The following CA10 variants were observed in gnomAD, a reference collection of about 807,000 sequenced individuals.
CA10 encodes the protein carbonic anhydrase-related protein 10.
In CA10, 14 loss-of-function variants were observed where a neutral mutation model predicts 44.2. That is an observed-to-expected ratio of 0.32 (90% CI 0.21 to 0.50). The LOEUF is 0.50. Ranked by LOEUF, CA10 falls within the 20% of genes least tolerant of loss-of-function variation. The pLI is 0.99. For missense variants in CA10, 350 were observed against 409.7 expected (o/e 0.85, Z 1.26); for synonymous variants, 159 against 141.6 (o/e 1.12, Z -0.87).
chr17:51,708,902 A>T (rs925221982), intron 4 of CA10, among the ~76,000 whole-genome samples: 3 of 152,352 alleles, frequency 2.0e-5, no homozygotes, highest in African/African-American at 7.2e-5. Context: ...CCACAGACTG[A>T]AAGCTGCACT....
chr17:51,799,016 G>A (rs1273797166), intron 3 of CA10, among the ~76,000 whole-genome samples: 2 of 152,174 alleles, frequency 1.3e-5, no homozygotes, highest in African/African-American at 4.8e-5. Context: ...TAGCTAGGAA[G>A]TTTTGTCCCA....
At chr17:51,839,754 T>C (rs1978304231) in intron 3 of CA10, among the ~76,000 whole-genome samples, 1 of 152,060 alleles carries the variant, frequency 6.6e-6, no homozygotes, top group Non-Finnish European at 1.5e-5. Context: ...GAAAGAAGAC[T>C]GAAATATAAA....
Position 51,869,913 on chromosome 17 carries a change from A to G in CA10, c.279+61077T>C, listed in dbSNP as rs143802668. On this transcript the variant is annotated intron_variant, in intron 3 of 8. Transcript: ENST00000451037. ...CCTAAAGCACTGTATAAAGATGTCT[A>G]TTAGAACCCATGTTAACATCCCTGG... 5.2e-4 allele frequency among the ~76,000 whole-genome samples: 79 copies of G among 152,318 alleles called. 1 individual carries two copies. The highest frequency in any genetic ancestry group is 1.9e-3 in the African/African-American group (77 of 41,560).
At chr17:51,953,540 G>A (rs1983561860) in intron 2 of CA10, among the ~76,000 whole-genome samples, 1 of 151,786 alleles carries the variant, frequency 6.6e-6, no homozygotes, top group Admixed American at 6.6e-5. Flanking sequence ...TACGTTTGTA[G>A]ATTAGGGATA....
At chr17:51,842,888 T>G (rs1978345396) in intron 3 of CA10, among the ~76,000 whole-genome samples, 1 of 152,112 alleles carries the variant, frequency 6.6e-6, no homozygotes, top group Admixed American at 6.6e-5. Flanking sequence ...TGCAGAAAAA[T>G]GTGCAGAATG....
chr17:51,820,669 G>A (rs1907746915), intron 3 of CA10, among the ~76,000 whole-genome samples: 2 of 151,916 alleles, frequency 1.3e-5, no homozygotes, highest in Admixed American at 1.3e-4. Context: ...TTTGACTCCC[G>A]ATTCTGTTAT....
In CA10 at chr17:51,982,890, C is replaced by T. The variant is rs536874187; in HGVS notation, c.137-51758G>A. 5.3e-5 allele frequency among the ~76,000 whole-genome samples: 8 copies of T among 151,786 alleles called. No individual in the cohort carries two copies. The South Asian group carries it at 6.2e-4, about 12-fold the overall frequency. On this transcript the variant is annotated intron_variant, in intron 2 of 8. Transcript: ENST00000451037. ...ACTGTTTGATGAGGGACCAATGACC[C>T]GTAGAAAGCAGAAATTTTGAAATAC...
intron 3 of CA10, among the ~76,000 whole-genome samples, chr17:51,854,152 G>T (rs1978931053): frequency 6.6e-6 from 1 of 152,148 alleles, no homozygotes; most frequent in Non-Finnish European, 1.5e-5. Context: ...CAGCCAGTTG[G>T]CTTGCTCTAC....
At chr17:51,791,405 G>T (rs2143698161) in intron 3 of CA10, among the ~76,000 whole-genome samples, 1 of 152,212 alleles carries the variant, frequency 6.6e-6, no homozygotes, top group Non-Finnish European at 1.5e-5. Context: ...TATTCATTTT[G>T]ATTGGAATGC....
At position 51,679,552 on chromosome 17, in the gene CA10, T is replaced by C. The variant is rs537739169; in HGVS notation, c.466-25816A>G. Among the ~76,000 whole-genome samples, 371 of 133,666 alleles carry C rather than the reference T, an allele frequency of 2.8e-3. 2 individuals are homozygous for C. Among genetic ancestry groups the C allele is most frequent in the African/African-American group, 9.3e-3 (341 of 36,488 alleles). The allele number at this position is 133,666 out of a possible 152,430, so 87.7% of individuals were successfully genotyped here. On this transcript the variant is annotated intron_variant, in intron 4 of 8. Coordinates refer to ENST00000451037, the MANE Select transcript of CA10 (RefSeq NM_020178.5). ...CTGGGATTACAGGCATGAGCCACCG[T>C]GCCTGGCCTATTTTTTTTTTTTTTT...
At chr17:51,933,395 C>G (rs1035229467) in intron 2 of CA10, among the ~76,000 whole-genome samples, 5 of 151,804 alleles carry the variant, frequency 3.3e-5, no homozygotes, top group South Asian at 2.1e-4. Context: ...ACTCTGCTGG[C>G]TTTGAAGATG....
At chr17:51,732,216 G>A (rs1916745876) in intron 4 of CA10, among the ~76,000 whole-genome samples, 1 of 152,232 alleles carries the variant, frequency 6.6e-6, no homozygotes, top group Admixed American at 6.5e-5. Flanking sequence ...GGAGAACAAT[G>A]TTAGCAGCCA....
At chr17:52,134,011 A>G (rs1283045502) in intron 1 of CA10, among the ~76,000 whole-genome samples, 1 of 152,224 alleles carries the variant, frequency 6.6e-6, no homozygotes, top group African/African-American at 2.4e-5. Context: ...CAAGCTAAGC[A>G]TTGCAGCTTT....
chr17:52,084,103 T>C (rs1007939382), intron 1 of CA10, among the ~76,000 whole-genome samples: 2 of 152,072 alleles, frequency 1.3e-5, no homozygotes, highest in African/African-American at 4.8e-5. Flanking sequence ...CTGAAGAAAC[T>C]TGGGGAACAG....
chr17:51,902,833 A>G (rs1027211948), intron 3 of CA10, among the ~76,000 whole-genome samples: 5 of 152,204 alleles, frequency 3.3e-5, no homozygotes, highest in African/African-American at 1.2e-4. Flanking sequence ...TTAGGCATTC[A>G]GTGATGCTTG....
At chr17:52,059,446 T>C (rs1409418375) in intron 2 of CA10, among the ~76,000 whole-genome samples, 2 of 152,064 alleles carry the variant, frequency 1.3e-5, no homozygotes, top group Non-Finnish European at 2.9e-5. Context: ...CTGCATCTAT[T>C]ATCCAAAGGA....
chr17:51,913,433 T>C (rs893416315), intron 3 of CA10, among the ~76,000 whole-genome samples: 1 of 152,148 alleles, frequency 6.6e-6, no homozygotes, highest in Non-Finnish European at 1.5e-5. Context: ...TCCTAGCAAG[T>C]CTTCAGGGAT....
intron 2 of CA10, among the ~76,000 whole-genome samples, chr17:51,964,348 G>A (rs191541653): frequency 3.9e-5 from 6 of 152,012 alleles, no homozygotes; most frequent in Admixed American, 2.6e-4. Flanking sequence ...AGCATTAGAT[G>A]GATCATCAAC....
intron 2 of CA10, among the ~76,000 whole-genome samples, chr17:52,015,985 A>G (rs1193992386): frequency 6.6e-6 from 1 of 152,248 alleles, no homozygotes; most frequent in East Asian, 1.9e-4. Context: ...AGTAGACATC[A>G]GAGTTCCAGG....
Sources: gnomAD v4.1 joint callset for allele counts (sites outside exome capture counted in the v4.1 genomes callset) on GRCh38, gnomAD v4.1.1 for gene constraint, MANE v1.5 for transcripts, NCBI Gene and HGNC (gene_info 2026-07-23, HGNC 2026-07-21) for gene names.